Variants in GATB observed in about 807,000 individuals in gnomAD.
The protein encoded by GATB is glutamyl-tRNA(Gln) amidotransferase subunit B, mitochondrial.
GATB carries 39 observed loss-of-function variants against 62.3 expected under a neutral mutation model. The ratio of observed to expected loss-of-function variants is 0.63; its 90% confidence interval spans 0.48 to 0.82. GATB has a LOEUF of 0.82. Among genes scored for constraint, GATB ranks in the 40% least tolerant of loss-of-function variants. The probability of loss-of-function intolerance (pLI) is 0.00; values close to 1 mark genes in which losing one functional copy is unlikely to be tolerated. For missense variants in GATB, 670 were observed against 684.0 expected (o/e 0.98, Z 0.23); for synonymous variants, 276 against 258.9 (o/e 1.07, Z -0.63).
At chr4:151,691,203 GTCC>G (rs1172272932) in intron 9 of GATB, among the ~76,000 whole-genome samples, 7 of 152,086 alleles carry the variant, frequency 4.6e-5, no homozygotes, top group Non-Finnish European at 1.5e-5. Context: ...AACCTTTAAT[GTCC>G]TCCTCAAAAG....
chr4:151,704,941 A>G (rs1253757120), intron 7 of GATB, among the ~76,000 whole-genome samples: 1 of 136,186 alleles, frequency 7.3e-6, no homozygotes, highest in Non-Finnish European at 1.6e-5. Context: ...TAGTAGAGAC[A>G]GGATTTCACC....
chr4:151,696,386 A>C (rs1377095569), intron 9 of GATB, among the ~76,000 whole-genome samples: 2 of 152,248 alleles, frequency 1.3e-5, no homozygotes, highest in African/African-American at 4.8e-5. Flanking sequence ...GAATGTTAAC[A>C]AAAGTACAAA....
In GATB at chr4:151,710,466, T is replaced by C. The variant is rs1008088131; in HGVS notation, c.764-2365A>G. 2.6e-5 allele frequency among the ~76,000 whole-genome samples: 4 copies of C among 152,354 alleles called. No homozygotes were observed. In the South Asian group the frequency reaches 8.3e-4, roughly 32 times the overall value. ...TCTTAAACAAGTTTTGTTTGTTTGTTGCATACACTGTCTCCGCTGTTTCAC... is the reference window on the plus strand; with the variant it reads ...TCTTAAACAAGTTTTGTTTGTTTGTCGCATACACTGTCTCCGCTGTTTCAC... On this transcript the variant is annotated intron_variant, in intron 5 of 12. Coordinates refer to ENST00000263985, the MANE Select transcript of GATB (RefSeq NM_004564.3).
intron 10 of GATB, among the ~76,000 whole-genome samples, chr4:151,682,359 A>G (rs1449712568): frequency 1.3e-5 from 2 of 152,198 alleles, no homozygotes; most frequent in Non-Finnish European, 2.9e-5. Flanking sequence ...ACAGACCCCG[A>G]AAGACCCCAC....
At chr4:151,673,273 G>A (rs1018825380) in intron 11 of GATB, 22 of 178,096 alleles carry the variant, frequency 1.2e-4, no homozygotes, top group African/African-American at 4.9e-4. Context: ...GGCCGCGGGA[G>A]GCGTGGAGGT....
At position 151,717,138 on chromosome 4, in the gene GATB, C is replaced by T; in HGVS notation, c.442-64G>A. On this transcript the variant is annotated intron_variant, in intron 3 of 12. Coordinates refer to ENST00000263985, the MANE Select transcript of GATB (RefSeq NM_004564.3). ...CACATAAAAGCTGGGATCCAGTTTA[C>T]TATCCCTTTTACAATGTCACACAAC... The T allele has an allele frequency of 5.4e-6, 8 of 1,469,700 alleles. No individual in the cohort carries two copies. In the South Asian group the frequency reaches 5.8e-5, roughly 11 times the overall value. The allele number at this position is 1,469,700 out of a possible 1,614,324, so 91.0% of individuals were successfully genotyped here.
intron 2 of GATB, chr4:151,722,165 T>C (rs1739044922): frequency 2.9e-6 from 2 of 701,694 alleles, no homozygotes; most frequent in Admixed American, 4.0e-5. Flanking sequence ...GGTCAGCATG[T>C]TCTGAGGATA....
At chr4:151,683,779 CCCAATCCTTAT>C (rs1177682830) in intron 10 of GATB, among the ~76,000 whole-genome samples, 1 of 152,202 alleles carries the variant, frequency 6.6e-6, no homozygotes, top group Non-Finnish European at 1.5e-5. Context: ...GCTATAGTTT[CCCAATCCTTAT>C]CCTAAGCCAA....
intron 2 of GATB, among the ~76,000 whole-genome samples, chr4:151,752,791 G>C (rs1739745931): frequency 6.6e-6 from 1 of 152,102 alleles, no homozygotes; most frequent in South Asian, 2.1e-4. Context: ...TCATGTTGGA[G>C]AATCTCCTCA....
At chr4:151,697,081 A>G (rs1271386302) in intron 9 of GATB, among the ~76,000 whole-genome samples, 2 of 152,232 alleles carry the variant, frequency 1.3e-5, no homozygotes, top group East Asian at 1.9e-4. Context: ...GAGGTTCCCT[A>G]AAGAACTACA....
chr4:151,672,109 T>G (rs1737882273), intron 12 of GATB, among the ~76,000 whole-genome samples: 1 of 152,098 alleles, frequency 6.6e-6, no homozygotes, highest in African/African-American at 2.4e-5. Flanking sequence ...TGGGTGGGTA[T>G]TATTCTGAAA....
At chr4:151,687,578 G>A (rs777934270) in intron 10 of GATB, among the ~76,000 whole-genome samples, 1 of 152,196 alleles carries the variant, frequency 6.6e-6, no homozygotes, top group Non-Finnish European at 1.5e-5. Context: ...GCTCTCAGAC[G>A]CTGAATATTT....
In GATB at chr4:151,672,876, C is replaced by T. The variant is rs777192177; in HGVS notation, c.1431G>A (p.Lys477=). 1 of 1,614,218 alleles carries T rather than the reference C, an allele frequency of 6.2e-7. No individual in the cohort carries two copies. The highest frequency in any genetic ancestry group is 2.2e-5 in the East Asian group (1 of 44,884). The change falls in exon 12 of 13, where the codon AAG becomes AAA. Residue 477 remains lysine, a synonymous_variant. Transcript: ENST00000263985. Reference sequence around the variant, plus strand: ...TCTGCCCTGGAGTCTTGCCTTCCCTCTTCCACAGTTCCTCAAACACCTATG... The same window carrying T: ...TCTGCCCTGGAGTCTTGCCTTCCCTTTTCCACAGTTCCTCAAACACCTATG... ...AAKQVFEELW[K]REGKTPGQIV...
Position 151,703,520 on chromosome 4 carries a change from A to AACATTAGAAT in GATB, c.1007+321_1007+330dup, listed in dbSNP as rs1738648029. 8.8e-6 allele frequency: 3 copies of AACATTAGAAT among 339,582 alleles called. No homozygotes were observed. The South Asian group carries it at 1.2e-4, about 13-fold the overall frequency. The allele number at this position is 339,582 out of a possible 1,614,324, so 21.0% of individuals were successfully genotyped here. ...CAGCGTATTACTGAATCAGTTACTG[A>AACATTAGAAT]ACATTAGAATAAGAACAGCCTAGGC... On this transcript the variant is annotated intron_variant, in intron 8 of 12. Coordinates refer to ENST00000263985, the MANE Select transcript of GATB (RefSeq NM_004564.3).
At chr4:151,732,449 G>A (rs1181995774) in intron 2 of GATB, among the ~76,000 whole-genome samples, 1 of 152,122 alleles carries the variant, frequency 6.6e-6, no homozygotes, top group Non-Finnish European at 1.5e-5. Context: ...GGCATGTGCT[G>A]TGTCCACTCA....
chr4:151,709,041 G>A (rs904078077), intron 5 of GATB, among the ~76,000 whole-genome samples: 1 of 152,308 alleles, frequency 6.6e-6, no homozygotes, highest in African/African-American at 2.4e-5. Context: ...AAGACAAAAT[G>A]CTGGATTTTA....
intron 2 of GATB, chr4:151,723,200 G>A (rs1418594867): frequency 6.6e-6 from 1 of 152,150 alleles, no homozygotes; most frequent in Non-Finnish European, 1.5e-5. Flanking sequence ...AGTATTTATT[G>A]TGCACTGACA....
chr4:151,697,112 C>T (rs1442914466), intron 9 of GATB, among the ~76,000 whole-genome samples: 1 of 152,158 alleles, frequency 6.6e-6, no homozygotes, highest in Non-Finnish European at 1.5e-5. Context: ...CCATTCAATC[C>T]AGCAATCCCA....
At chr4:151,734,537 G>A (rs1443485149) in intron 2 of GATB, among the ~76,000 whole-genome samples, 1 of 152,008 alleles carries the variant, frequency 6.6e-6, no homozygotes, top group Non-Finnish European at 1.5e-5. Flanking sequence ...AATCTAAAAA[G>A]TCAACACAAT....
Sources: gnomAD v4.1 joint callset for allele counts (sites outside exome capture counted in the v4.1 genomes callset) on GRCh38, gnomAD v4.1.1 for gene constraint, MANE v1.5 for transcripts, NCBI Gene and HGNC (gene_info 2026-07-23, HGNC 2026-07-21) for gene names.